SHPRH: variants seen among roughly 807,000 people sequenced by gnomAD.
SHPRH encodes E3 ubiquitin-protein ligase SHPRH.
SHPRH carries 106 observed loss-of-function variants against 202.5 expected under a neutral mutation model. The observed-to-expected ratio is 0.52, with a 90% CI of 0.45 to 0.62. The LOEUF is 0.62. Among genes scored for constraint, SHPRH ranks in the 20% least tolerant of loss-of-function variants. The pLI is 0.00. For missense variants in SHPRH, 1,710 were observed against 2,020.0 expected, an observed-to-expected ratio of 0.85 and a Z score of 2.94; for synonymous variants, 729 against 686.0, an observed-to-expected ratio of 1.06 and a Z score of -0.98.
chr6:145,939,298 T>C (rs9497433), intron 11 of SHPRH, among the ~76,000 whole-genome samples: 133 of 152,334 alleles, frequency 8.7e-4, no homozygotes, highest in African/African-American at 3.1e-3. Flanking sequence ...CTTGCCTTAT[T>C]GTGCACATAT....
intron 2 of SHPRH, among the ~76,000 whole-genome samples, chr6:145,954,150 A>G (rs1208015619): frequency 2.0e-5 from 3 of 151,926 alleles, no homozygotes; most frequent in Non-Finnish European, 2.9e-5. Context: ...CAACTCAAGC[A>G]GAAGGAACTA....
At chr6:145,886,899 G>C in intron 29 of SHPRH, 112 bp from the exon 30 acceptor site, 2 of 1,120,536 alleles carry the variant, frequency 1.8e-6, no homozygotes, top group African/African-American at 3.2e-5. Flanking sequence ...TTGTAATTGG[G>C]ATATAAGAAA....
At chr6:145,921,419 A>C in intron 20 of SHPRH, 27 bp from the exon 21 acceptor site, 27 of 1,597,444 alleles carry the variant, frequency 1.7e-5, no homozygotes, top group Non-Finnish European at 2.3e-5. Context: ...ACAAAACAAC[A>C]GTAACTGGTA....
chr6:145,910,204 T>C lies in SHPRH; in HGVS notation c.4515+244A>G, dbSNP rs947333276. ...GATAGGAAACTGTAATTTTAAGATG[T>C]TACATTTTAGTCACAGTGTACATGA... On this transcript the variant is annotated intron_variant, in intron 25 of 29. Transcript: ENST00000275233. The C allele has an allele frequency of 3.3e-5, 13 of 392,126 alleles. No homozygotes were observed. In the South Asian group the frequency reaches 5.7e-4, roughly 17 times the overall value. 24.3% of individuals were successfully genotyped at this position (392,126 alleles called of 1,614,324 possible). A position where few individuals can be genotyped will look rare whatever the true frequency, so the allele number is the denominator to read the frequency against.
intron 14 of SHPRH, among the ~76,000 whole-genome samples, chr6:145,932,226 G>C (rs1000051679): frequency 2.6e-5 from 4 of 152,084 alleles, no homozygotes; most frequent in African/African-American, 7.2e-5. Context: ...ATATGGAAAG[G>C]TGTGTCTATA....
chr6:145,913,948 T>A (rs1004539968), intron 23 of SHPRH, among the ~76,000 whole-genome samples: 1 of 152,186 alleles, frequency 6.6e-6, no homozygotes, highest in Non-Finnish European at 1.5e-5. Context: ...ATTCTTTTCC[T>A]CTGTTAATTA....
chr6:145,929,105 A>G (rs1236101428), intron 14 of SHPRH, among the ~76,000 whole-genome samples: 2 of 151,944 alleles, frequency 1.3e-5, no homozygotes, highest in South Asian at 2.1e-4. Flanking sequence ...AATTTTATCT[A>G]TTCGTTATAA....
In SHPRH at chr6:145,886,174, G is replaced by A. The variant is rs992512016; in HGVS notation, c.*517C>T. ...GAGTTGTATTACTGCAAAATTACTA[G>A]GTGTAAAGTTATGGTATAAGCCTAC... On this transcript the variant is annotated 3_prime_UTR_variant, in exon 30 of 30. Coordinates refer to ENST00000275233, the MANE Select transcript of SHPRH (RefSeq NM_001042683.3). 7.2e-6 allele frequency: 2 copies of A among 278,064 alleles called. No homozygotes were observed. Among genetic ancestry groups the A allele is most frequent in the Non-Finnish European group, 1.4e-5 (2 of 144,094 alleles). The allele number at this position is 278,064 out of a possible 1,614,324, so 17.2% of individuals were successfully genotyped here.
chr6:145,903,877 G>A (rs1782720718), intron 25 of SHPRH: 1 of 152,084 alleles, frequency 6.6e-6, no homozygotes, highest in Non-Finnish European at 1.5e-5. Context: ...CCTGGCAGTT[G>A]TCAGAACTTG....
At chr6:145,939,678 A>ACCG (rs1786530698) in intron 11 of SHPRH, among the ~76,000 whole-genome samples, 1 of 152,206 alleles carries the variant, frequency 6.6e-6, no homozygotes, top group African/African-American at 2.4e-5. Flanking sequence ...AAAGGAGACC[A>ACCG]CTAAATGTGG....
Position 145,893,295 on chromosome 6 carries a change from A to G in SHPRH, c.4794T>C (p.His1598=). 1 of 1,606,958 alleles carries G rather than the reference A, an allele frequency of 6.2e-7. No homozygotes were observed. Among genetic ancestry groups the G allele is most frequent in the Non-Finnish European group, 8.5e-7 (1 of 1,176,972 alleles). ...SNGLTIIEAT[H]VLLVEPILNP... ...TCAATATGGGCTCCACCAAGAGAAC[A>G]TGAGTTGCTTCAATGATAGTTAATC... Residue 1598 remains histidine, a synonymous_variant, in exon 28 of 30, where the codon CAT becomes CAC. Transcript: ENST00000275233.
chr6:145,906,657 G>A (rs1226391366), intron 25 of SHPRH: 1 of 152,050 alleles, frequency 6.6e-6, no homozygotes, highest in African/African-American at 2.4e-5. Context: ...AAAAAGTGAT[G>A]TCTTTCTGTT....
chr6:145,917,842 C>G, intron 23 of SHPRH: 1 of 237,174 alleles, frequency 4.2e-6, no homozygotes, highest in Non-Finnish European at 8.0e-6. Flanking sequence ...GCCAGTTTCA[C>G]CGAGATATGT....
chr6:145,930,630 C>T (rs931977225), intron 14 of SHPRH, among the ~76,000 whole-genome samples: 1 of 152,166 alleles, frequency 6.6e-6, no homozygotes, highest in African/African-American at 2.4e-5. Flanking sequence ...CCTTGTTTTA[C>T]AGCCCAGAAT....
intron 17 of SHPRH, 93 bp downstream of exon 17, chr6:145,924,646 A>G (rs1183956720): frequency 1.1e-5 from 11 of 990,962 alleles, no homozygotes; most frequent in Admixed American, 7.8e-5. Context: ...TTCAAAATGT[A>G]TAAGAAATTC....
intron 25 of SHPRH, among the ~76,000 whole-genome samples, chr6:145,896,710 A>T (rs1782042183): frequency 3.9e-5 from 6 of 152,092 alleles, no homozygotes; most frequent in Admixed American, 3.9e-4. Context: ...ATCTTCTCTG[A>T]CAATGGAATG....
Position 145,935,328 on chromosome 6 carries a change from A to G in SHPRH, c.2683T>C (p.Phe895Leu). The change falls in exon 12 of 30, where the codon TTT becomes CTT. Residue 895 changes from phenylalanine (F) to leucine (L), a missense_variant. Transcript: ENST00000275233. ...GACCTCCACAGTATCTTGGCAATAAAGCTGTAGAGATGCTGAGGATTCTTC... is the reference window on the plus strand; with the variant it reads ...GACCTCCACAGTATCTTGGCAATAAGGCTGTAGAGATGCTGAGGATTCTTC... ...CKKNPQHLYS[F>L]IAKILWRSAK... 2 of 1,614,116 alleles carry G rather than the reference A, an allele frequency of 1.2e-6. No individual in the cohort carries two copies. Among genetic ancestry groups the G allele is most frequent in the Non-Finnish European group, 1.7e-6 (2 of 1,180,010 alleles).
intron 1 of SHPRH, among the ~76,000 whole-genome samples, chr6:145,963,014 G>GT (rs1474409897): frequency 6.6e-6 from 1 of 152,150 alleles, no homozygotes; most frequent in Non-Finnish European, 1.5e-5. Context: ...TAATAATTCT[G>GT]TAAGTCCAGC....
At chr6:145,939,311 T>C (rs575895712) in intron 11 of SHPRH, among the ~76,000 whole-genome samples, 1 of 152,320 alleles carries the variant, frequency 6.6e-6, no homozygotes, top group East Asian at 1.9e-4. Context: ...GCACATATAT[T>C]CATGGCTACA....
Sources: gnomAD v4.1 joint callset for allele counts (sites outside exome capture counted in the v4.1 genomes callset) on GRCh38, gnomAD v4.1.1 for gene constraint, MANE v1.5 for transcripts, NCBI Gene and HGNC (gene_info 2026-07-23, HGNC 2026-07-21) for gene names.